The following DNAH5 variants were observed in gnomAD, a reference collection of about 807,000 sequenced individuals.
DNAH5 encodes the protein dynein axonemal heavy chain 5, also known as axonemal beta dynein heavy chain 5.
A neutral mutation model predicts 518.2 loss-of-function variants in DNAH5; 372 were observed. The observed-to-expected ratio is 0.72, with a 90% CI of 0.66 to 0.78. The LOEUF (loss-of-function observed/expected upper bound fraction) is 0.78, where lower values mean the gene tolerates loss of function less well. DNAH5 is among the 30% of genes least tolerant of loss of function. The probability of loss-of-function intolerance (pLI) is 0.00; values close to 1 mark genes in which losing one functional copy is unlikely to be tolerated. For synonymous variants in DNAH5, 2,039 were observed against 2,025.9 expected, an observed-to-expected ratio of 1.01 and a Z score of -0.17; for missense variants, 5,523 against 5,687.0, an observed-to-expected ratio of 0.97 and a Z score of 0.93.
Position 13,841,823 on chromosome 5 carries a change from C to T in DNAH5, c.5353G>A (p.Val1785Met). ...AAAAGAGAATTAAGCCAAACTTCCA[C>T]ATTGCCCTCTGCCATGACAGGTTTA... The part of the protein sequence containing the change: ...LDKPVMAEGN[V>M]EVWLNSLLEE... Residue 1785 changes from valine to methionine, a missense_variant, in exon 33 of 79, where the codon GTG becomes ATG. Val to Met is a conservative substitution (Grantham distance 21). This residue lies in a region of DNAH5 where 5,121 missense variants were observed against 5,223.3 expected (regional missense o/e 0.98). Transcript: ENST00000265104. 1 of 1,609,848 alleles carries T rather than the reference C, an allele frequency of 6.2e-7. No individual in the cohort carries two copies. Among genetic ancestry groups the T allele is most frequent in the Non-Finnish European group, 8.5e-7 (1 of 1,178,864 alleles).
chr5:13,798,318 T>C (rs1189147568), intron 47 of DNAH5, among the ~76,000 whole-genome samples: 2 of 152,172 alleles, frequency 1.3e-5, no homozygotes, highest in African/African-American at 4.8e-5. Flanking sequence ...GGTAGTGCAA[T>C]GTGGCTTGGG....
At chr5:13,959,334 C>T (rs1207783892) in intron 1 of DNAH5, among the ~76,000 whole-genome samples, 1 of 152,250 alleles carries the variant, frequency 6.6e-6, no homozygotes, top group African/African-American at 2.4e-5. Context: ...ATGAATCCCA[C>T]TGAAGACTCA....
intron 1 of DNAH5, among the ~76,000 whole-genome samples, chr5:13,966,205 GTGTGTGTA>G (rs760895347): frequency 1.0e-4 from 14 of 137,648 alleles, no homozygotes; most frequent in African/African-American, 2.4e-4. Flanking sequence ...TCCATGGTGT[GTGTGTGTA>G]TGTGTGTATG....
At chr5:13,967,156 C>A (rs566534579) in intron 1 of DNAH5, among the ~76,000 whole-genome samples, 100 of 152,314 alleles carry the variant, frequency 6.6e-4, no homozygotes, top group African/African-American at 2.1e-3. Context: ...GCCACTGCAC[C>A]TGGCCTAGAA....
At position 13,808,246 on chromosome 5, in the gene DNAH5, A is replaced by AG. The variant is rs1554057563; in HGVS notation, c.7753-522_7753-521insC. ...ATCTCAAAAAAAAAAAAAAAAAAAA[A>AG]AAGAGGAAATTTGTATACACAAAGA... On this transcript the variant is annotated intron_variant, in intron 46 of 78. Transcript: ENST00000265104. 7.3e-3 allele frequency among the ~76,000 whole-genome samples: 1,042 copies of AG among 143,548 alleles called. 54 individuals carry two copies. The highest frequency in any genetic ancestry group is 0.025 in the African/African-American group (921 of 36,708). 94.2% of individuals were successfully genotyped at this position (143,548 alleles called of 152,430 possible).
At chr5:13,909,031 T>C (rs1278703553) in intron 12 of DNAH5, among the ~76,000 whole-genome samples, 1 of 152,174 alleles carries the variant, frequency 6.6e-6, no homozygotes, top group Non-Finnish European at 1.5e-5. Context: ...AATAAAGAAG[T>C]GTAAGTCAAA....
chr5:14,000,262 T>C (rs1397350336), intron 1 of DNAH5, among the ~76,000 whole-genome samples: 2 of 152,122 alleles, frequency 1.3e-5, no homozygotes, highest in Non-Finnish European at 2.9e-5. Context: ...CACAGCCGTG[T>C]GACTGGAGTG....
chr5:13,711,793 T>C (rs111499998), intron 75 of DNAH5, among the ~76,000 whole-genome samples: 5,961 of 152,044 alleles, frequency 0.039, 393 homozygotes, highest in African/African-American at 0.14. Flanking sequence ...AAAAATAAAA[T>C]ACTTAGGAAT....
At chr5:13,928,749 C>A (rs1198052967) in intron 2 of DNAH5, among the ~76,000 whole-genome samples, 2 of 152,082 alleles carry the variant, frequency 1.3e-5, no homozygotes, top group African/African-American at 4.8e-5. Flanking sequence ...TTTAAATAGT[C>A]AATAGCACTG....
chr5:13,733,033 C>T (rs902162244), intron 68 of DNAH5, among the ~76,000 whole-genome samples: 1 of 152,108 alleles, frequency 6.6e-6, no homozygotes, highest in Non-Finnish European at 1.5e-5. Context: ...CCAACCCATA[C>T]AAGCATCAGA....
intron 11 of DNAH5, 77 bp from the exon 12 acceptor site, chr5:13,911,570 G>A (rs1306567615): frequency 5.3e-6 from 6 of 1,131,948 alleles, no homozygotes; most frequent in East Asian, 5.2e-5. Flanking sequence ...CTTAAATGTA[G>A]AGCCTATACA....
intron 1 of DNAH5, among the ~76,000 whole-genome samples, chr5:13,976,686 T>TGC: frequency 1.1e-5 from 1 of 90,900 alleles, no homozygotes; most frequent in Non-Finnish European, 2.3e-5. Context: ...AATGTGTGTG[T>TGC]GTGTATATAT....
intron 41 of DNAH5, among the ~76,000 whole-genome samples, chr5:13,818,745 A>G (rs1761823967): frequency 6.6e-6 from 1 of 152,234 alleles, no homozygotes; most frequent in Admixed American, 6.5e-5. Flanking sequence ...CTTCTAATAC[A>G]GAACCTGACA....
Position 13,786,048 on chromosome 5 carries a change from G to C in DNAH5, c.8820+131C>G, listed in dbSNP as rs1354366542. 1.8e-5 allele frequency: 16 copies of C among 885,416 alleles called. 1 individual carries two copies. In the Admixed American group the frequency reaches 3.3e-4, roughly 18 times the overall value. 54.8% of individuals were successfully genotyped at this position (885,416 alleles called of 1,614,324 possible). A position where few individuals can be genotyped will look rare whatever the true frequency, so the allele number is the denominator to read the frequency against. On this transcript the variant is annotated intron_variant, in intron 52 of 78. Coordinates refer to ENST00000265104, the MANE Select transcript of DNAH5 (RefSeq NM_001369.3). ...TGCATTCAGCTTAGAAATTAAATTG[G>C]AATATAGCATGGAGTCTAATTTTAA...
At chr5:13,791,882 G>T in intron 50 of DNAH5, 112 bp downstream of exon 50, 1 of 960,950 alleles carries the variant, frequency 1.0e-6, no homozygotes, top group Non-Finnish European at 1.6e-6. Flanking sequence ...TACCCATGCT[G>T]AAACATTCCA....
chr5:13,871,078 C>T, intron 23 of DNAH5, 76 bp from the exon 24 acceptor site: 1 of 1,094,260 alleles, frequency 9.1e-7, no homozygotes, highest in Admixed American at 2.1e-5. Context: ...TCGCTGTTCT[C>T]CAGTAGTAAA....
At chr5:14,000,268 G>C (rs915099628) in intron 1 of DNAH5, among the ~76,000 whole-genome samples, 2 of 152,164 alleles carry the variant, frequency 1.3e-5, no homozygotes, top group African/African-American at 2.4e-5. Flanking sequence ...CGTGTGACTG[G>C]AGTGATGCAG....
intron 12 of DNAH5, among the ~76,000 whole-genome samples, chr5:13,906,072 A>G (rs193037317): frequency 5.3e-5 from 8 of 152,346 alleles, no homozygotes; most frequent in Admixed American, 3.9e-4. Flanking sequence ...AGGCAAAACT[A>G]CATAGACAGT....
chr5:13,891,099 G>C lies in DNAH5; in HGVS notation c.2454C>G (p.Asp818Glu). ...GGAACTCAATCAAATCATTGACCCT[G>C]TCAAGCAGCAACTCCAGGTCCTCTT... ...AKIKDLELLL[D>E]RVNDLIEFRI... The change falls in exon 17 of 79, where the codon GAC becomes GAG. Residue 818 changes from aspartate (D) to glutamate (E), a missense_variant. Coordinates refer to ENST00000265104, the MANE Select transcript of DNAH5 (RefSeq NM_001369.3). 6.2e-7 allele frequency: 1 copy of C among 1,614,056 alleles called. No homozygotes were observed.
Sources: allele counts gnomAD v4.1 joint callset (sites outside exome capture counted in the v4.1 genomes callset), GRCh38; gene constraint gnomAD v4.1.1; regional missense constraint gnomAD v4.1.1; transcripts MANE v1.5; gene names NCBI Gene and HGNC (gene_info 2026-07-23, HGNC 2026-07-21).